Variants in TSACC observed in about 807,000 individuals in gnomAD.
TSACC encodes the protein TSSK6 activating cochaperone, also known as TSSK6-activating co-chaperone protein.
TSACC carries 3 observed loss-of-function variants against 6.9 expected under a neutral mutation model. The observed-to-expected ratio is 0.43, with a 90% CI of 0.20 to 1.12. The LOEUF (loss-of-function observed/expected upper bound fraction) is 1.12. Among genes scored for constraint, TSACC ranks in the 50% most tolerant of loss-of-function variants. The probability of loss-of-function intolerance (pLI) is 0.28; values close to 1 mark genes in which losing one functional copy is unlikely to be tolerated. For missense variants in TSACC, 137 were observed against 143.9 expected, an observed-to-expected ratio of 0.95 and a Z score of 0.24; for synonymous variants, 54 against 55.1, an observed-to-expected ratio of 0.98 and a Z score of 0.09.
At chr1:156,346,126 G>A (rs1158526262) in intron 3 of TSACC, among the ~76,000 whole-genome samples, 4 of 151,120 alleles carry the variant, frequency 2.6e-5, no homozygotes, top group East Asian at 3.9e-4. Context: ...CCCAGGAGGT[G>A]GAGGTTGCAG....
intron 2 of TSACC, 62 bp downstream of exon 2, chr1:156,339,853 C>T: frequency 6.3e-7 from 1 of 1,578,282 alleles, no homozygotes; most frequent in East Asian, 2.2e-5. Flanking sequence ...GCATTCCCCA[C>T]TAAATGGGAG....
chr1:156,346,609 G>A (rs1204096663), intron 3 of TSACC, among the ~76,000 whole-genome samples, 159 bp from the exon 4 acceptor site: 2 of 152,204 alleles, frequency 1.3e-5, no homozygotes, highest in African/African-American at 4.8e-5. Flanking sequence ...AGCCAGGTAT[G>A]CCTCACTGGG....
Position 156,346,872 on chromosome 1 carries a change from T to G in TSACC, c.268T>G (p.Leu90Val). 1 of 1,614,166 alleles carries G rather than the reference T, an allele frequency of 6.2e-7. No homozygotes were observed. The highest frequency in any genetic ancestry group is 8.5e-7 in the Non-Finnish European group (1 of 1,180,034). Residue 90 changes from leucine (L) to valine (V), a missense_variant, in exon 4 of 4, where the codon TTA becomes GTA. Physicochemically the swap from Leu to Val is conservative, Grantham distance 32. Coordinates refer to ENST00000368254, the MANE Select transcript of TSACC (RefSeq NM_001304817.2). ...ACAACAGATGGCTGTTTTGGAACAT[T>G]TACAGGCATCTGTGACACAACTGGC... The part of the protein sequence containing the change: ...AQQQMAVLEH[L>V]QASVTQLAPG...
At chr1:156,345,254 C>T (rs1666102044) in intron 3 of TSACC, among the ~76,000 whole-genome samples, 1 of 152,184 alleles carries the variant, frequency 6.6e-6, no homozygotes, top group Non-Finnish European at 1.5e-5. Flanking sequence ...CCAAGGTTAA[C>T]TGGCTGTGTA....
upstream of TSACC, chr1:156,337,469 T>G (rs1014317271): frequency 5.8e-6 from 1 of 172,034 alleles, no homozygotes; most frequent in Non-Finnish European, 1.3e-5. Flanking sequence ...AGTCGAGAAA[T>G]CTGGGAAAAC....
chr1:156,339,619 C>A lies in TSACC; in HGVS notation c.-124-15C>A. The A allele has an allele frequency of 9.4e-7, 1 of 1,058,284 alleles. No individual in the cohort carries two copies. The highest frequency in any genetic ancestry group is 1.4e-6 in the Non-Finnish European group (1 of 729,174). The allele number at this position is 1,058,284 out of a possible 1,614,324, so 65.6% of individuals were successfully genotyped here. ...TTTGGCCATGAAATAGAGTTTCCTACTTTTTCCTCTGCAGATTGGAACAGG... is the reference window on the plus strand; with the variant it reads ...TTTGGCCATGAAATAGAGTTTCCTAATTTTTCCTCTGCAGATTGGAACAGG... On this transcript the variant is annotated splice_polypyrimidine_tract_variant and intron_variant, in intron 1 of 3. Transcript: ENST00000368254.
intron 3 of TSACC, among the ~76,000 whole-genome samples, chr1:156,346,486 G>A (rs1348728254): frequency 6.6e-6 from 1 of 152,118 alleles, no homozygotes; most frequent in Admixed American, 6.6e-5. Flanking sequence ...GGGGGACTTA[G>A]ACAAAAATTA....
chr1:156,346,478 G>A (rs1458111912), intron 3 of TSACC, among the ~76,000 whole-genome samples: 1 of 152,082 alleles, frequency 6.6e-6, no homozygotes, highest in African/African-American at 2.4e-5. Flanking sequence ...TTCTAGAAGG[G>A]GGACTTAGAC....
At chr1:156,341,141 C>T (rs532839361) in intron 2 of TSACC, among the ~76,000 whole-genome samples, 2 of 152,288 alleles carry the variant, frequency 1.3e-5, no homozygotes, top group South Asian at 4.1e-4. Flanking sequence ...TTAATGCTCA[C>T]GATTCTACTA....
chr1:156,344,580 T>C lies in TSACC; in HGVS notation c.35T>C (p.Val12Ala). 6.2e-7 allele frequency: 1 copy of C among 1,613,688 alleles called. No homozygotes were observed. The highest frequency in any genetic ancestry group is 8.5e-7 in the Non-Finnish European group (1 of 1,179,864). ...ERHTSHPNRKVPAKEEANAVP... is the reference protein window; with the variant it reads ...ERHTSHPNRKAPAKEEANAVP... ...TCTGATTTAGTTATCTCTGATTTAG[T>C]TCCAGCCAAAGAGGAAGCTAATGCT... Residue 12 changes from valine to alanine, a missense_variant and splice_region_variant, in exon 3 of 4, where the codon GTT becomes GCT. By Grantham distance (64) the Val-to-Ala change is moderately conservative (BLOSUM62 0). Coordinates refer to ENST00000368254, the MANE Select transcript of TSACC (RefSeq NM_001304817.2).
chr1:156,339,611 G>A (rs1009353091), intron 1 of TSACC, 23 bp from the exon 2 acceptor site: 7 of 937,442 alleles, frequency 7.5e-6, no homozygotes, highest in Non-Finnish European at 1.1e-5. Flanking sequence ...ATGAAATAGA[G>A]TTTCCTACTT....
rs1553187772 is a variant in TSACC, at chr1:156,345,865, G to GGA, written c.164-903_164-902insGA. ...CTGGGAGACAGAGCAAGGCTCCATTGAAAAAAAAAAAAAGAAAAAAGAAAA... is the reference window on the plus strand; with the variant it reads ...CTGGGAGACAGAGCAAGGCTCCATTGGAAAAAAAAAAAAAAGAAAAAAGAAAA... On this transcript the variant is annotated intron_variant, in intron 3 of 3. Coordinates refer to ENST00000368254, the MANE Select transcript of TSACC (RefSeq NM_001304817.2). Among the ~76,000 whole-genome samples, 49 of 126,906 alleles carry GGA rather than the reference G, an allele frequency of 3.9e-4. 1 individual carries two copies. Among genetic ancestry groups the GGA allele is most frequent in the Admixed American group, 2.3e-3 (28 of 12,256 alleles). 83.3% of individuals were successfully genotyped at this position (126,906 alleles called of 152,430 possible).
At chr1:156,337,817 T>A, upstream of TSACC, 3 of 364,636 alleles carry the variant, frequency 8.2e-6, no homozygotes, top group Non-Finnish European at 9.9e-6. Flanking sequence ...AAAAACGTTA[T>A]TCGTGCAGCT....
chr1:156,338,213 G>C (rs894460650), upstream of TSACC: 1 of 1,578,892 alleles, frequency 6.3e-7, no homozygotes, highest in African/African-American at 1.3e-5. Context: ...CGGGTACCCA[G>C]AGCTGGGGGA....
chr1:156,338,081 T>G, upstream of TSACC: 1 of 1,512,640 alleles, frequency 6.6e-7, no homozygotes, highest in Non-Finnish European at 9.0e-7. Context: ...GGGACGGAGC[T>G]GGGGCAACAC....
rs1666067434 is a variant in TSACC at position 156,344,612 on chromosome 1, C to G, written c.67C>G (p.Leu23Val). The change falls in exon 3 of 4, where the codon CTC (leucine) becomes GTC (valine). Residue 23 changes from leucine (L) to valine (V), a missense_variant. Leu to Val is a conservative substitution (Grantham distance 32). Transcript: ENST00000368254. ...PAKEEANAVP[L>V]CRAKPSPSYI... ...CAAAGAGGAAGCTAATGCTGTGCCTCTCTGTAGAGCAAAACCCTCCCCCAG... is the reference window on the plus strand; with the variant it reads ...CAAAGAGGAAGCTAATGCTGTGCCTGTCTGTAGAGCAAAACCCTCCCCCAG... 11 of 1,614,118 alleles carry G rather than the reference C, an allele frequency of 6.8e-6. No individual in the cohort carries two copies. The highest frequency in any genetic ancestry group is 9.3e-6 in the Non-Finnish European group (11 of 1,180,004).
chr1:156,345,865 GAAAAAAA>G lies in TSACC; in HGVS notation c.164-896_164-890del, dbSNP rs563330881. Among the ~76,000 whole-genome samples, 89 of 126,906 alleles carry G rather than the reference GAAAAAAA, an allele frequency of 7.0e-4. 2 individuals are homozygous for G. The highest frequency in any genetic ancestry group is 1.5e-3 in the Admixed American group (18 of 12,256). The allele number at this position is 126,906 out of a possible 152,430, so 83.3% of individuals were successfully genotyped here. A position where few individuals can be genotyped will look rare whatever the true frequency, so the allele number is the denominator to read the frequency against. ...CTGGGAGACAGAGCAAGGCTCCATT[GAAAAAAA>G]AAAAAAGAAAAAAGAAAAATATTAG... On this transcript the variant is annotated intron_variant, in intron 3 of 3. Coordinates refer to ENST00000368254, the MANE Select transcript of TSACC (RefSeq NM_001304817.2).
chr1:156,344,642 A>G lies in TSACC; in HGVS notation c.97A>G (p.Ile33Val). 2 of 1,614,104 alleles carry G rather than the reference A, an allele frequency of 1.2e-6. No individual in the cohort carries two copies. Among genetic ancestry groups the G allele is most frequent in the Non-Finnish European group, 1.7e-6 (2 of 1,180,002 alleles). Residue 33 changes from isoleucine (I) to valine (V), a missense_variant, in exon 3 of 4, where the codon ATT becomes GTT. By Grantham distance (29) the Ile-to-Val change is conservative. Transcript: ENST00000368254. ...LCRAKPSPSYINLQASSPPAT... is the reference protein window; with the variant it reads ...LCRAKPSPSYVNLQASSPPAT... ...TAGAGCAAAACCCTCCCCCAGCTAT[A>G]TTAATCTTCAAGCAAGTTCCCCACC...
At chr1:156,338,091 C>A (rs1216100741), upstream of TSACC, 11 of 1,548,662 alleles carry the variant, frequency 7.1e-6, no homozygotes, top group East Asian at 2.4e-5. Flanking sequence ...TGGGGCAACA[C>A]TGAAAAGTAT....
Sources: gnomAD v4.1 joint callset for allele counts (sites outside exome capture counted in the v4.1 genomes callset) on GRCh38, gnomAD v4.1.1 for gene constraint, MANE v1.5 for transcripts, NCBI Gene and HGNC (gene_info 2026-07-23, HGNC 2026-07-21) for gene names.